Variants in CORO1C observed in about 807,000 individuals in gnomAD.
The protein encoded by CORO1C is coronin 1C.
A neutral mutation model predicts 51.2 loss-of-function variants in CORO1C; 14 were observed. The observed-to-expected ratio is 0.27, with a 90% CI of 0.18 to 0.43. CORO1C has a LOEUF of 0.43. Among genes scored for constraint, CORO1C ranks in the 20% least tolerant of loss-of-function variants. CORO1C has a pLI of 1.00. For missense variants in CORO1C, 417 were observed against 607.8 expected (o/e 0.69, Z 3.30); for synonymous variants, 181 against 210.5 (o/e 0.86, Z 1.21).
Position 108,688,511 on chromosome 12 carries a change from A to G in CORO1C, c.196-10117T>C, listed in dbSNP as rs1467551713. The stretch of plus-strand genomic sequence containing the variant: ...TATGTCCTACATATTACAAAAGATC[A>G]TTCAGAATGACTGTTTCTTCATGTA... On this transcript the variant is annotated intron_variant, in intron 2 of 10. Coordinates refer to ENST00000261401, the MANE Select transcript of CORO1C (RefSeq NM_014325.4). Among the ~76,000 whole-genome samples the G allele has an allele frequency of 2.0e-5, 3 of 152,250 alleles. 1 individual carries two copies. Among genetic ancestry groups the G allele is most frequent in the Admixed American group, 2.0e-4 (3 of 15,284 alleles).
Position 108,646,717 on chromosome 12 carries a change from C to T in CORO1C, c.*686G>A, listed in dbSNP as rs985129484. ...ATCAGAAGACTCCATGAAATGAGAG[C>T]GGTGGTAATATGAATCCACGTGATT... On this transcript the variant is annotated 3_prime_UTR_variant, in exon 11 of 11. Coordinates refer to ENST00000261401, the MANE Select transcript of CORO1C (RefSeq NM_014325.4). 4 of 152,324 alleles carry T rather than the reference C, an allele frequency of 2.6e-5. No individual in the cohort carries two copies. Among genetic ancestry groups the T allele is most frequent in the African/African-American group, 9.7e-5 (4 of 41,450 alleles). 9.4% of individuals were successfully genotyped at this position (152,324 alleles called of 1,614,324 possible).
rs545693746 is a variant in CORO1C at position 108,645,388 on chromosome 12, C to G, written c.*2015G>C. 3 of 152,352 alleles carry G rather than the reference C, an allele frequency of 2.0e-5. No individual in the cohort carries two copies. The highest frequency in any genetic ancestry group is 6.5e-5 in the Admixed American group (1 of 15,310). 9.4% of individuals were successfully genotyped at this position (152,352 alleles called of 1,614,324 possible). A position where few individuals can be genotyped will look rare whatever the true frequency, so the allele number is the denominator to read the frequency against. The stretch of plus-strand genomic sequence containing the variant: ...TGCCCTCCTGCTTCTCTTTGAACCA[C>G]ATGCCCTACGGTGTTTCACCACCAT... On this transcript the variant is annotated 3_prime_UTR_variant, in exon 11 of 11. Transcript: ENST00000261401.
At chr12:108,688,661 C>CT (rs1379126382) in intron 2 of CORO1C, among the ~76,000 whole-genome samples, 2 of 152,044 alleles carry the variant, frequency 1.3e-5, no homozygotes, top group South Asian at 2.1e-4. Context: ...AATCCCAGCA[C>CT]TTTGAGAGGC....
chr12:108,671,367 G>T (rs1188222931), intron 3 of CORO1C, among the ~76,000 whole-genome samples: 2 of 151,728 alleles, frequency 1.3e-5, no homozygotes, highest in African/African-American at 4.8e-5. Context: ...AAGAAAAGAG[G>T]TTTGGAGAGA....
chr12:108,704,298 C>T (rs770943724), intron 1 of CORO1C, among the ~76,000 whole-genome samples: 5 of 151,892 alleles, frequency 3.3e-5, no homozygotes, highest in Non-Finnish European at 7.4e-5. Context: ...ATGGTGAAAC[C>T]CCATCTCTAC....
At chr12:108,668,998 T>C (rs1247136926) in intron 3 of CORO1C, among the ~76,000 whole-genome samples, 2 of 152,212 alleles carry the variant, frequency 1.3e-5, no homozygotes, top group Non-Finnish European at 2.9e-5. Flanking sequence ...GAAGTGTAGT[T>C]TCTGGGAGTA....
intron 2 of CORO1C, among the ~76,000 whole-genome samples, chr12:108,682,071 C>G (rs2034143260): frequency 6.6e-6 from 1 of 151,026 alleles, no homozygotes; most frequent in South Asian, 2.1e-4. Context: ...TGGAGGTGTA[C>G]TACAATAGCT....
chr12:108,650,180 CTTTTTTTTTTTT>C (rs1057367204), intron 8 of CORO1C, among the ~76,000 whole-genome samples: 4 of 80,444 alleles, frequency 5.0e-5, no homozygotes, highest in South Asian at 5.8e-4. Context: ...AACCAAAAAC[CTTTTTTTTTTTT>C]TTTTTTTTTT....
In CORO1C at chr12:108,658,677, C is replaced by G. The variant is rs1243130770; in HGVS notation, c.630+61G>C. 2 of 1,558,370 alleles carry G rather than the reference C, an allele frequency of 1.3e-6. No homozygotes were observed. The highest frequency in any genetic ancestry group is 1.8e-6 in the Non-Finnish European group (2 of 1,136,300). The stretch of plus-strand genomic sequence containing the variant: ...CAGTACCGCTGCCTGCCTTAAAAAG[C>G]AGAAAGCTCACACTCACTCAAGTGC... On this transcript the variant is annotated intron_variant, in intron 5 of 10. Coordinates refer to ENST00000261401, the MANE Select transcript of CORO1C (RefSeq NM_014325.4). The surrounding 1 kb of genome is among the most constrained non-coding windows in gnomAD (Gnocchi z 4.9).
intron 1 of CORO1C, among the ~76,000 whole-genome samples, chr12:108,706,054 G>C (rs1452491302): frequency 6.6e-6 from 1 of 151,920 alleles, no homozygotes; most frequent in African/African-American, 2.4e-5. Flanking sequence ...AGGCATGGTG[G>C]TGGGCACCTG....
In CORO1C at chr12:108,658,846, T is replaced by G; in HGVS notation, c.522A>C (p.Ser174=). The change falls in exon 5 of 11, where the codon TCA becomes TCC. Residue 174 remains serine (S), a synonymous_variant. Transcript: ENST00000261401. This position sits in a 1 kb window ranked among gnomAD's most constrained non-coding sequence, Gnocchi z 4.9. ...TCCAGCTCACATTGTAAATCATGTC[T>G]GAATGCATATCGTCCAAGTTTATAA... The part of the protein sequence containing the change: ...EALINLDDMH[S]DMIYNVSWNR... 1 of 1,613,974 alleles carries G rather than the reference T, an allele frequency of 6.2e-7. No homozygotes were observed. The highest frequency in any genetic ancestry group is 8.5e-7 in the Non-Finnish European group (1 of 1,179,818).
chr12:108,648,917 T>C (rs1592838368), intron 9 of CORO1C, 46 bp downstream of exon 9: 1 of 1,610,768 alleles, frequency 6.2e-7, no homozygotes, highest in East Asian at 2.2e-5. Flanking sequence ...AATTTTATTT[T>C]TACATTTGTT....
chr12:108,712,441 G>A (rs561696860), intron 1 of CORO1C, among the ~76,000 whole-genome samples: 5 of 151,866 alleles, frequency 3.3e-5, no homozygotes, highest in Non-Finnish European at 7.4e-5. Context: ...GGGCGTGGTT[G>A]CAGGTGCCTG....
chr12:108,706,804 G>C (rs780060244), intron 1 of CORO1C, among the ~76,000 whole-genome samples: 55 of 152,194 alleles, frequency 3.6e-4, no homozygotes, highest in African/African-American at 1.2e-3. Flanking sequence ...GACTGGTCTC[G>C]AACTCTTGAC....
intron 1 of CORO1C, among the ~76,000 whole-genome samples, chr12:108,724,359 T>G (rs2035539711): frequency 6.6e-6 from 1 of 152,178 alleles, no homozygotes; most frequent in Non-Finnish European, 1.5e-5. Context: ...TACTATAAAT[T>G]CACACAACTA....
At chr12:108,655,661 C>T (rs1048154175) in intron 6 of CORO1C, among the ~76,000 whole-genome samples, 13 of 152,196 alleles carry the variant, frequency 8.5e-5, no homozygotes, top group Non-Finnish European at 5.9e-5. Flanking sequence ...GGATTGCAAA[C>T]GGAGTCTCGT....
At position 108,645,393 on chromosome 12, in the gene CORO1C, C is replaced by G. The variant is rs1347270281; in HGVS notation, c.*2010G>C. The G allele has an allele frequency of 6.6e-6, 1 of 152,150 alleles. No individual in the cohort carries two copies. Among genetic ancestry groups the G allele is most frequent in the Non-Finnish European group, 1.5e-5 (1 of 68,028 alleles). 9.4% of individuals were successfully genotyped at this position (152,150 alleles called of 1,614,324 possible). On this transcript the variant is annotated 3_prime_UTR_variant, in exon 11 of 11. Transcript: ENST00000261401. Reference sequence around the variant, plus strand: ...TCCTGCTTCTCTTTGAACCACATGCCCTACGGTGTTTCACCACCATCAACA... The same window carrying G: ...TCCTGCTTCTCTTTGAACCACATGCGCTACGGTGTTTCACCACCATCAACA...
intron 1 of CORO1C, among the ~76,000 whole-genome samples, chr12:108,707,850 T>C (rs1047268784): frequency 2.6e-5 from 4 of 152,186 alleles, no homozygotes; most frequent in Non-Finnish European, 5.9e-5. Flanking sequence ...CCAAAGAAGA[T>C]GTACAAATGT....
intron 8 of CORO1C, among the ~76,000 whole-genome samples, chr12:108,651,415 T>C (rs2032648911): frequency 1.3e-5 from 2 of 152,228 alleles, no homozygotes; most frequent in African/African-American, 2.4e-5. Flanking sequence ...ATTTAGAATA[T>C]GAATTTTCTA....
Sources: gnomAD v4.1 joint callset for allele counts (sites outside exome capture counted in the v4.1 genomes callset) on GRCh38, gnomAD v4.1.1 for gene constraint, Gnocchi (gnomAD v3.1) non-coding constraint, MANE v1.5 for transcripts, NCBI Gene and HGNC (gene_info 2026-07-23, HGNC 2026-07-21) for gene names.